The following RAB21 variants were observed in gnomAD, a reference collection of about 807,000 sequenced individuals.
The protein encoded by RAB21 is RAB21, member RAS oncogene family, also known as ras-related protein Rab-21.
In RAB21, 13 loss-of-function variants were observed where a neutral mutation model predicts 33.1. That is an observed-to-expected ratio of 0.39 (90% CI 0.26 to 0.62). RAB21 has a LOEUF of 0.62. Among genes scored for constraint, RAB21 ranks in the 20% least tolerant of loss-of-function variants. The probability of loss-of-function intolerance (pLI) is 0.48; values close to 1 mark genes in which losing one functional copy is unlikely to be tolerated. For synonymous variants in RAB21, 91 were observed against 103.7 expected (o/e 0.88, Z 0.74); for missense variants, 234 against 279.1 (o/e 0.84, Z 1.15).
At chr12:71,771,310 A>G (rs1883038805) in intron 3 of RAB21, among the ~76,000 whole-genome samples, 1 of 152,224 alleles carries the variant, frequency 6.6e-6, no homozygotes, top group Non-Finnish European at 1.5e-5. Flanking sequence ...TCACAATCAG[A>G]TGGGTTACTT....
At chr12:71,780,203 G>A (rs1440073727) in intron 4 of RAB21, among the ~76,000 whole-genome samples, 1 of 152,124 alleles carries the variant, frequency 6.6e-6, no homozygotes, top group Non-Finnish European at 1.5e-5. Context: ...GTGATTGCCT[G>A]CTTTTCCTCT....
rs1467916297 is a variant in RAB21, at chr12:71,797,798, A to C, written c.*12125A>C. On this transcript the variant is annotated 3_prime_UTR_variant, in exon 7 of 7. Coordinates refer to ENST00000261263, the MANE Select transcript of RAB21 (RefSeq NM_014999.4). ...AAAATGAACCCAGATATGGGAATTT[A>C]GTGGAGGAGAAGTGATGTTTCAGCT... The C allele has an allele frequency of 7.5e-6, 1 of 132,668 alleles. No individual in the cohort carries two copies. The highest frequency in any genetic ancestry group is 3.5e-5 in the African/African-American group (1 of 28,982). 8.2% of individuals were successfully genotyped at this position (132,668 alleles called of 1,614,324 possible).
chr12:71,768,393 A>G (rs1882991334), intron 1 of RAB21, among the ~76,000 whole-genome samples: 1 of 152,112 alleles, frequency 6.6e-6, no homozygotes. Flanking sequence ...TCTTCTATAT[A>G]AATAACACCT....
At chr12:71,783,058 A>G (rs1159181316) in intron 6 of RAB21, among the ~76,000 whole-genome samples, 1 of 152,122 alleles carries the variant, frequency 6.6e-6, no homozygotes, top group African/African-American at 2.4e-5. Context: ...ATATTTGATG[A>G]TATTAAGATA....
chr12:71,782,515 A>G, intron 5 of RAB21, 55 bp from the exon 6 acceptor site: 1 of 1,282,622 alleles, frequency 7.8e-7, no homozygotes, highest in East Asian at 2.4e-5. Flanking sequence ...AAAGCAGTTA[A>G]GACAAAATCA....
rs328746 is a variant in RAB21, at chr12:71,790,340, C to A, written c.*4667C>A. The A allele has an allele frequency of 0.32, 48,231 of 151,952 alleles. 11,124 individuals carry two copies. Among genetic ancestry groups the A allele is most frequent in the African/African-American group, 0.63 (26,170 of 41,450 alleles). The allele number at this position is 151,952 out of a possible 1,614,324, so 9.4% of individuals were successfully genotyped here. ...CAACTGTATCATCTCTTCACTATCACGTATTTTAAGAAAAAGCTAAGGTGA... is the reference window on the plus strand; with the variant it reads ...CAACTGTATCATCTCTTCACTATCAAGTATTTTAAGAAAAAGCTAAGGTGA... On this transcript the variant is annotated 3_prime_UTR_variant, in exon 7 of 7. Transcript: ENST00000261263.
intron 4 of RAB21, among the ~76,000 whole-genome samples, chr12:71,775,762 C>G (rs1181994657): frequency 6.6e-6 from 1 of 152,130 alleles, no homozygotes; most frequent in Non-Finnish European, 1.5e-5. Flanking sequence ...TTCTCAAACT[C>G]CTGACCTCAT....
rs1340086708 is a variant in RAB21, at chr12:71,787,710, T to G, written c.*2037T>G. 6.6e-6 allele frequency: 1 copy of G among 152,176 alleles called. No individual in the cohort carries two copies. The highest frequency in any genetic ancestry group is 1.5e-5 in the Non-Finnish European group (1 of 68,046). The allele number at this position is 152,176 out of a possible 1,614,324, so 9.4% of individuals were successfully genotyped here. On this transcript the variant is annotated 3_prime_UTR_variant, in exon 7 of 7. Transcript: ENST00000261263. ...TGTCCTTGCTAAACTCAACACAGAC[T>G]TTTCTGTTATGTGTTTTTGAGGAAG...
chr12:71,775,997 C>T (rs933735305), intron 4 of RAB21, among the ~76,000 whole-genome samples: 9 of 152,152 alleles, frequency 5.9e-5, no homozygotes, highest in Non-Finnish European at 1.0e-4. Flanking sequence ...AGGAATATTT[C>T]AGACTGGAAC....
At chr12:71,783,358 A>G (rs536955115) in intron 6 of RAB21, among the ~76,000 whole-genome samples, 3 of 152,072 alleles carry the variant, frequency 2.0e-5, no homozygotes, top group African/African-American at 7.2e-5. Flanking sequence ...TATATTACCA[A>G]TAAAATGCAT....
rs117406327 is a variant in RAB21 at position 71,776,910 on chromosome 12, C to G, written c.391+2888C>G. 8.3e-4 allele frequency among the ~76,000 whole-genome samples: 127 copies of G among 152,266 alleles called. 2 individuals carry two copies. In the East Asian group the frequency reaches 0.023, roughly 28 times the overall value. ...TTCTACAAGTATTTTTGAGTGGCTT[C>G]TTTGTACCAGGCACTGTGTGCTGTT... On this transcript the variant is annotated intron_variant, in intron 4 of 6. Transcript: ENST00000261263.
intron 4 of RAB21, among the ~76,000 whole-genome samples, chr12:71,779,661 T>G (rs893463119): frequency 3.9e-5 from 6 of 152,230 alleles, no homozygotes; most frequent in African/African-American, 1.4e-4. Context: ...TTAATTCAAA[T>G]ATGTATTTTT....
At chr12:71,783,458 G>A (rs1209460033) in intron 6 of RAB21, among the ~76,000 whole-genome samples, 1 of 151,186 alleles carries the variant, frequency 6.6e-6, no homozygotes, top group African/African-American at 2.4e-5. Flanking sequence ...GTGTGTGTGT[G>A]TGTACACACA....
Position 71,799,240 on chromosome 12 carries a change from T to C in RAB21, c.*13567T>C, listed in dbSNP as rs1044501740. ...TGACCAGAGGTTGTAGTTCCCCCAGTGAATCATGTTTGTGTCACTGTGGGA... is the reference window on the plus strand; with the variant it reads ...TGACCAGAGGTTGTAGTTCCCCCAGCGAATCATGTTTGTGTCACTGTGGGA... On this transcript the variant is annotated 3_prime_UTR_variant, in exon 7 of 7. Coordinates refer to ENST00000261263, the MANE Select transcript of RAB21 (RefSeq NM_014999.4). The C allele has an allele frequency of 6.6e-6, 1 of 152,238 alleles. No individual in the cohort carries two copies. Among genetic ancestry groups the C allele is most frequent in the Non-Finnish European group, 1.5e-5 (1 of 68,046 alleles). The allele number at this position is 152,238 out of a possible 1,614,324, so 9.4% of individuals were successfully genotyped here.
chr12:71,768,693 C>T (rs189077688), intron 1 of RAB21, among the ~76,000 whole-genome samples: 1 of 152,240 alleles, frequency 6.6e-6, no homozygotes, highest in East Asian at 1.9e-4. Context: ...CAGTGATTCT[C>T]CCTTGTCAGT....
chr12:71,776,908 T>G (rs1006300758), intron 4 of RAB21, among the ~76,000 whole-genome samples: 12 of 152,316 alleles, frequency 7.9e-5, no homozygotes, highest in Admixed American at 2.6e-4. Context: ...TTTGAGTGGC[T>G]TCTTTGTACC....
chr12:71,759,987 C>T (rs1882846245), intron 1 of RAB21, among the ~76,000 whole-genome samples: 1 of 152,192 alleles, frequency 6.6e-6, no homozygotes, highest in Non-Finnish European at 1.5e-5. Flanking sequence ...GCTACTAGCA[C>T]AGAGCCTGGC....
chr12:71,779,148 T>A (rs1164054639), intron 4 of RAB21, among the ~76,000 whole-genome samples: 1 of 152,180 alleles, frequency 6.6e-6, no homozygotes, highest in Non-Finnish European at 1.5e-5. Context: ...TAACAGAGGT[T>A]AACTAATTTG....
chr12:71,788,763 A>G lies in RAB21; in HGVS notation c.*3090A>G, dbSNP rs533633033. On this transcript the variant is annotated 3_prime_UTR_variant, in exon 7 of 7. Coordinates refer to ENST00000261263, the MANE Select transcript of RAB21 (RefSeq NM_014999.4). ...TTAAAAATACCTGAATATTATGTTAAAAGTATACAATCATTGTTTCTGTAA... is the reference window on the plus strand; with the variant it reads ...TTAAAAATACCTGAATATTATGTTAGAAGTATACAATCATTGTTTCTGTAA... 2.6e-5 allele frequency: 4 copies of G among 152,260 alleles called. No homozygotes were observed. The highest frequency in any genetic ancestry group is 9.6e-5 in the African/African-American group (4 of 41,566). 9.4% of individuals were successfully genotyped at this position (152,260 alleles called of 1,614,324 possible). A position where few individuals can be genotyped will look rare whatever the true frequency, so the allele number is the denominator to read the frequency against.
Sources: gnomAD v4.1 joint callset for allele counts (sites outside exome capture counted in the v4.1 genomes callset) on GRCh38, gnomAD v4.1.1 for gene constraint, MANE v1.5 for transcripts, NCBI Gene and HGNC (gene_info 2026-07-23, HGNC 2026-07-21) for gene names.